MORC2: variants seen among roughly 807,000 people sequenced by gnomAD.
MORC2 encodes ATPase MORC2.
In MORC2, 30 loss-of-function variants were observed where a neutral mutation model predicts 136.0. The ratio of observed to expected loss-of-function variants is 0.22; its 90% CI spans 0.17 to 0.30. The LOEUF (loss-of-function observed/expected upper bound fraction) is 0.30, where lower values mean the gene tolerates loss of function less well. MORC2 is among the 10% of genes least tolerant of loss of function. The probability of loss-of-function intolerance (pLI) is 1.00; values close to 1 mark genes in which losing one functional copy is unlikely to be tolerated. For synonymous variants in MORC2, 439 were observed against 487.0 expected, an observed-to-expected ratio of 0.90 and a Z score of 1.30; for missense variants, 922 against 1,333.1, an observed-to-expected ratio of 0.69 and a Z score of 4.80.
intron 24 of MORC2, among the ~76,000 whole-genome samples, chr22:30,928,930 G>C (rs1025004426): frequency 6.6e-6 from 1 of 152,204 alleles, no homozygotes; most frequent in Non-Finnish European, 1.5e-5. Context: ...AAATCACTGA[G>C]AATCATGAGG....
intron 6 of MORC2, 44 bp downstream of exon 6, chr22:30,946,297 A>G (rs746285535): frequency 6.6e-7 from 1 of 1,508,398 alleles, no homozygotes; most frequent in Admixed American, 1.8e-5. Flanking sequence ...GGGCAGACTC[A>G]GGAAATGAGG....
At chr22:30,933,929 G>C (rs9609161) in intron 20 of MORC2, 131 bp downstream of exon 20, 1 of 1,091,294 alleles carries the variant, frequency 9.2e-7, no homozygotes, top group South Asian at 1.5e-5. Context: ...GCTGGTGGGG[G>C]GGGTAGACTG....
chr22:30,935,200 A>T (rs1024548520), intron 18 of MORC2, 39 bp from the exon 19 acceptor site: 3 of 1,612,496 alleles, frequency 1.9e-6, no homozygotes, highest in Non-Finnish European at 1.7e-6. Flanking sequence ...CACTGATCCT[A>T]GCATGAGACA....
chr22:30,938,568 A>G (rs2040692738), intron 12 of MORC2, among the ~76,000 whole-genome samples: 1 of 152,158 alleles, frequency 6.6e-6, no homozygotes. Context: ...TATGATAGTA[A>G]ATTATTATAA....
rs1163530787 is a variant in MORC2 at position 30,939,990 on chromosome 22, C to T, written c.956G>A (p.Arg319His). Residue 319 changes from arginine (R) to histidine (H), a missense_variant, in exon 11 of 26, where the codon CGC becomes CAC. By Grantham distance (29) the Arg-to-His change is conservative (BLOSUM62 0). This residue lies in a region of MORC2 where 261 missense variants were observed against 354.3 expected (regional missense o/e 0.74). Transcript: ENST00000397641. Reference protein sequence around the residue: ...AESKARTLEVRLGGDLTRDSR... With the variant: ...AESKARTLEVHLGGDLTRDSR... ...GTCCCGCGTGAGGTCTCCACCTAGGCGTACTTCTAATGTCCGAGCTTTGCT... is the reference window on the plus strand; with the variant it reads ...GTCCCGCGTGAGGTCTCCACCTAGGTGTACTTCTAATGTCCGAGCTTTGCT... The T allele has an allele frequency of 4.3e-6, 7 of 1,613,910 alleles. No homozygotes were observed. Among genetic ancestry groups the T allele is most frequent in the South Asian group, 3.3e-5 (3 of 91,078 alleles).
intron 1 of MORC2, among the ~76,000 whole-genome samples, chr22:30,966,510 C>G (rs748504458): frequency 6.6e-6 from 1 of 152,200 alleles, no homozygotes; most frequent in Non-Finnish European, 1.5e-5. Context: ...CATGGTGGCT[C>G]ATGCCTGTAA....
Position 30,932,936 on chromosome 22 carries a change from C to CT in MORC2, c.2474dup (p.Val826GlyfsTer4). 6.2e-7 allele frequency: 1 copy of CT among 1,614,212 alleles called. No homozygotes were observed. The highest frequency in any genetic ancestry group is 8.5e-7 in the Non-Finnish European group (1 of 1,180,026). On this transcript the variant is annotated frameshift_variant, in exon 22 of 26. Transcript: ENST00000397641. LOFTEE classifies it high-confidence loss of function. This position sits in a 1 kb window ranked among gnomAD's most constrained non-coding sequence, Gnocchi z 4.4. ...CTGTGGGCACGTAGTCAAACTTCAC[C>CT]TTCCACCGCACCACATGCTTGCCCA... is the stretch of plus-strand genomic sequence containing the variant.
intron 1 of MORC2, chr22:30,967,255 ACTAT>A: frequency 1.0e-6 from 1 of 986,222 alleles, no homozygotes; most frequent in Non-Finnish European, 1.2e-6. Context: ...TTGGGGAAAG[ACTAT>A]CTAAATAGAG....
At chr22:30,950,352 C>CCCAA in intron 4 of MORC2, 25 bp downstream of exon 4, 1 of 1,449,958 alleles carries the variant, frequency 6.9e-7, no homozygotes, top group Non-Finnish European at 9.7e-7. Flanking sequence ...CCCCCACCCC[C>CCCAA]CAAAACAATA....
chr22:30,951,333 G>A (rs1460457293), intron 3 of MORC2, among the ~76,000 whole-genome samples: 1 of 152,234 alleles, frequency 6.6e-6, no homozygotes, highest in East Asian at 1.9e-4. Flanking sequence ...ATGGTCAATG[G>A]AGAAGCGATT....
rs182253807 is a variant in MORC2, at chr22:30,948,212, T to C, written c.317+1540A>G. On this transcript the variant is annotated intron_variant, in intron 5 of 25. Coordinates refer to ENST00000397641, the MANE Select transcript of MORC2 (RefSeq NM_001303256.3). ...GGTGAAATGGCTTGCCTGAGGCCAT[T>C]AAGAAACAGACATTCAGAGAGGTGA... 5.4e-3 allele frequency among the ~76,000 whole-genome samples: 822 copies of C among 152,134 alleles called. 4 individuals are homozygous for C. The highest frequency in any genetic ancestry group is 0.019 in the African/African-American group (776 of 41,516).
intron 1 of MORC2, 143 bp from the exon 2 acceptor site, chr22:30,958,837 T>G: frequency 1.6e-6 from 1 of 637,866 alleles, no homozygotes; most frequent in Non-Finnish European, 2.7e-6. Flanking sequence ...ACTCAAGGCT[T>G]TCCAGAGCTC....
At chr22:30,938,242 C>T (rs779811654) in intron 12 of MORC2, 37 bp from the exon 13 acceptor site, 31 of 1,610,618 alleles carry the variant, frequency 1.9e-5, no homozygotes, top group South Asian at 9.9e-5. Context: ...ATCTACACAT[C>T]GGCACACAAG....
chr22:30,964,056 C>A (rs547443390), intron 1 of MORC2, among the ~76,000 whole-genome samples: 1 of 152,154 alleles, frequency 6.6e-6, no homozygotes, highest in East Asian at 1.9e-4. Flanking sequence ...ACTTCACATA[C>A]CCATAAAACT....
chr22:30,934,788 A>T lies in MORC2; in HGVS notation c.2186T>A (p.Leu729His). 6.2e-7 allele frequency: 1 copy of T among 1,613,672 alleles called. No individual in the cohort carries two copies. ...VVKKTESPIK[L>H]SPATPSRKRS... ...AGAGGACAAGCGTCTCACCGGGGAGAGTTTGATGGGTGACTCTGTCTTCTT... is the reference window on the plus strand; with the variant it reads ...AGAGGACAAGCGTCTCACCGGGGAGTGTTTGATGGGTGACTCTGTCTTCTT... Residue 729 changes from leucine (L) to histidine (H), a missense_variant, in exon 19 of 26, where the codon CTC (leucine) becomes CAC (histidine). Around this residue, in one of 9 missense-constraint regions of MORC2, gnomAD observed 184 missense variants for 180.3 expected, o/e 1.02. Coordinates refer to ENST00000397641, the MANE Select transcript of MORC2 (RefSeq NM_001303256.3). The surrounding 1 kb of genome is among the most constrained non-coding windows in gnomAD (Gnocchi z 4.4).
chr22:30,943,097 GAACT>G (rs1475375597), intron 6 of MORC2, among the ~76,000 whole-genome samples: 2 of 152,074 alleles, frequency 1.3e-5, no homozygotes, highest in African/African-American at 2.4e-5. Context: ...TGATACAAAT[GAACT>G]AACCACTACT....
In MORC2 at chr22:30,934,759, T is replaced by C. The variant is rs545401673; in HGVS notation, c.2193+22A>G. Reference sequence around the variant, plus strand: ...ACACTACTGACACTGGGCTGGGGTATTAAAGAGGACAAGCGTCTCACCGGG... The same window carrying C: ...ACACTACTGACACTGGGCTGGGGTACTAAAGAGGACAAGCGTCTCACCGGG... On this transcript the variant is annotated intron_variant, in intron 19 of 25. Coordinates refer to ENST00000397641, the MANE Select transcript of MORC2 (RefSeq NM_001303256.3). This position sits in a 1 kb window ranked among gnomAD's most constrained non-coding sequence, Gnocchi z 4.4. 1.2e-6 allele frequency: 2 copies of C among 1,611,990 alleles called. No individual in the cohort carries two copies. Among genetic ancestry groups the C allele is most frequent in the Non-Finnish European group, 1.7e-6 (2 of 1,178,484 alleles).
At chr22:30,945,209 TCTC>T (rs894078497) in intron 6 of MORC2, among the ~76,000 whole-genome samples, 4 of 152,106 alleles carry the variant, frequency 2.6e-5, no homozygotes, top group Admixed American at 2.6e-4. Flanking sequence ...CTATCCTACT[TCTC>T]CTAGAAGCCT....
At chr22:30,931,195 C>T (rs1399935238) in intron 24 of MORC2, among the ~76,000 whole-genome samples, 12 of 152,254 alleles carry the variant, frequency 7.9e-5, no homozygotes, top group Non-Finnish European at 1.6e-4. Context: ...ACCCAAATCA[C>T]CCTCTTAGGG....
Sources: gnomAD v4.1 joint callset for allele counts (sites outside exome capture counted in the v4.1 genomes callset) on GRCh38, gnomAD v4.1.1 for gene constraint, gnomAD v4.1.1 regional missense constraint, Gnocchi (gnomAD v3.1) non-coding constraint, MANE v1.5 for transcripts, NCBI Gene and HGNC (gene_info 2026-07-23, HGNC 2026-07-21) for gene names.